Variants in CANX observed in about 807,000 individuals in gnomAD.
CANX encodes epididymis secretory sperm binding protein.
CANX carries 14 observed loss-of-function variants against 75.7 expected under a neutral mutation model. The observed-to-expected ratio is 0.19, with a 90% CI of 0.12 to 0.29. CANX has a LOEUF of 0.29. Ranked by LOEUF, CANX falls within the 10% of genes least tolerant of loss-of-function variation. The probability of loss-of-function intolerance (pLI) is 1.00; values close to 1 mark genes in which losing one functional copy is unlikely to be tolerated. For missense variants in CANX, 567 were observed against 713.2 expected (o/e 0.79, Z 2.34); for synonymous variants, 227 against 236.9 (o/e 0.96, Z 0.38).
chr5:179,690,549 C>A (rs1776282317), intron 1 of CANX, among the ~76,000 whole-genome samples: 1 of 138,314 alleles, frequency 7.2e-6, no homozygotes, highest in Non-Finnish European at 1.5e-5. Context: ...GCACTCCAGC[C>A]TGGGGGACAA....
In CANX at chr5:179,728,691, G is replaced by T. The variant is rs201943117; in HGVS notation, c.*47G>T. 2.3e-5 allele frequency: 32 copies of T among 1,383,512 alleles called. No homozygotes were observed. The African/African-American group carries it at 4.0e-4, about 17-fold the overall frequency. The allele number at this position is 1,383,512 out of a possible 1,614,324, so 85.7% of individuals were successfully genotyped here. A position where few individuals can be genotyped will look rare whatever the true frequency, so the allele number is the denominator to read the frequency against. On this transcript the variant is annotated 3_prime_UTR_variant, in exon 15 of 15. Coordinates refer to ENST00000247461, the MANE Select transcript of CANX (RefSeq NM_001746.4). ...TGTGATTTCTTCTCCCTCCTCCCCT[G>T]CAAGAGTGGTCCTAGGAGAGGACCT... is the stretch of plus-strand genomic sequence containing the variant.
At chr5:179,683,369 G>A (rs1581813451) in intron 1 of CANX, among the ~76,000 whole-genome samples, 3 of 151,804 alleles carry the variant, frequency 2.0e-5, no homozygotes, top group South Asian at 4.1e-4. Flanking sequence ...TCCTGACCTT[G>A]TGATCCGCCC....
chr5:179,680,760 A>G, intron 1 of CANX: 1 of 756,598 alleles, frequency 1.3e-6, no homozygotes, highest in Non-Finnish European at 2.2e-6. Flanking sequence ...TCTTCTGCCC[A>G]TGGGCAGTGA....
intron 14 of CANX, among the ~76,000 whole-genome samples, 179 bp downstream of exon 14, chr5:179,726,938 T>C (rs1778710735): frequency 6.6e-6 from 1 of 152,236 alleles, no homozygotes; most frequent in South Asian, 2.1e-4. Context: ...AATTTTAAGC[T>C]ACATATTAAT....
chr5:179,702,997 G>A (rs1019404093), intron 1 of CANX, among the ~76,000 whole-genome samples: 1 of 152,104 alleles, frequency 6.6e-6, no homozygotes, highest in African/African-American at 2.4e-5. Flanking sequence ...TTGAACTCCC[G>A]AACTCAGGTG....
upstream of CANX, chr5:179,694,693 G>A (rs746268542): frequency 2.2e-5 from 16 of 715,386 alleles, no homozygotes; most frequent in South Asian, 1.2e-4. Context: ...GGCTCAAAGC[G>A]TCCTGCTAAA....
At position 179,698,967 on chromosome 5, in the gene CANX, A is replaced by T. The variant is rs977671563; in HGVS notation, c.-139A>T. The T allele has an allele frequency of 2.7e-6, 3 of 1,122,954 alleles. No individual in the cohort carries two copies. The highest frequency in any genetic ancestry group is 5.1e-5 in the Admixed American group (1 of 19,726). The allele number at this position is 1,122,954 out of a possible 1,614,324, so 69.6% of individuals were successfully genotyped here. On this transcript the variant is annotated 5_prime_UTR_variant, in exon 1 of 15. Transcript: ENST00000247461. Reference sequence around the variant, plus strand: ...GTGCGGTGGGGCTCGCTCGCGCGGCAGCGGTGGCCGAGGCCTCTTGGTTCT... The same window carrying T: ...GTGCGGTGGGGCTCGCTCGCGCGGCTGCGGTGGCCGAGGCCTCTTGGTTCT...
intron 1 of CANX, chr5:179,679,175 G>A: frequency 6.5e-7 from 1 of 1,535,184 alleles, no homozygotes; most frequent in Non-Finnish European, 8.7e-7. Context: ...GGTGCTCGAA[G>A]GGGAGCCTCG....
chr5:179,715,311 T>A (rs1777861876), intron 7 of CANX, among the ~76,000 whole-genome samples: 1 of 152,118 alleles, frequency 6.6e-6, no homozygotes, highest in Non-Finnish European at 1.5e-5. Flanking sequence ...GTTGGGCAGA[T>A]TGCCTGAGCT....
intron 1 of CANX, chr5:179,699,910 C>G (rs1562455813): frequency 6.6e-6 from 1 of 152,212 alleles, no homozygotes; most frequent in South Asian, 2.1e-4. Context: ...CTGTGAACTT[C>G]GGCAGTTTTC....
intron 1 of CANX, among the ~76,000 whole-genome samples, chr5:179,689,633 G>A (rs1295468103): frequency 7.2e-5 from 11 of 152,000 alleles, no homozygotes; most frequent in African/African-American, 2.2e-4. Context: ...CAGCTGATCC[G>A]CCCGCCTCGG....
chr5:179,680,852 C>T (rs1300458871), intron 1 of CANX: 1 of 1,532,290 alleles, frequency 6.5e-7, no homozygotes. Context: ...TATAGGTGGA[C>T]AGAGGCTGGA....
intron 1 of CANX, among the ~76,000 whole-genome samples, chr5:179,682,433 G>T (rs1268465656): frequency 1.3e-5 from 2 of 152,016 alleles, no homozygotes; most frequent in African/African-American, 4.8e-5. Context: ...AAAATTGGCC[G>T]GGTGCAGTGG....
chr5:179,723,738 C>A lies in CANX; in HGVS notation c.1477C>A (p.Leu493Ile). Reference sequence around the variant, plus strand: ...GGTAGTCTATATTCTAACTGTAGCCCTTCCTGTGTTCCTGGTTATCCTCTT... The same window carrying A: ...GGTAGTCTATATTCTAACTGTAGCCATTCCTGTGTTCCTGGTTATCCTCTT... The part of the protein sequence containing the change: ...LWVVYILTVA[L>I]PVFLVILFCC... The change falls in exon 12 of 15, where the codon CTT becomes ATT. Residue 493 changes from leucine to isoleucine, a missense_variant. Coordinates refer to ENST00000247461, the MANE Select transcript of CANX (RefSeq NM_001746.4). 6.2e-7 allele frequency: 1 copy of A among 1,613,398 alleles called. No homozygotes were observed. The highest frequency in any genetic ancestry group is 8.5e-7 in the Non-Finnish European group (1 of 1,179,642).
At chr5:179,679,483 T>C (rs908665694) in intron 1 of CANX, among the ~76,000 whole-genome samples, 6 of 152,066 alleles carry the variant, frequency 3.9e-5, no homozygotes, top group African/African-American at 1.2e-4. Context: ...GGGATACATA[T>C]GCAGATGAAG....
intron 1 of CANX, 141 bp downstream of exon 1, chr5:179,699,243 G>A: frequency 2.4e-6 from 1 of 425,070 alleles, no homozygotes; most frequent in Non-Finnish European, 3.2e-6. Context: ...TGGCCGACGC[G>A]CCCGCCGTGA....
chr5:179,709,213 A>G (rs1036649281), intron 6 of CANX, among the ~76,000 whole-genome samples, 154 bp downstream of exon 6: 2 of 152,156 alleles, frequency 1.3e-5, no homozygotes, highest in Non-Finnish European at 2.9e-5. Context: ...CAGGAGATTG[A>G]GACTATCTGG....
At chr5:179,682,195 T>A (rs1177995339) in intron 1 of CANX, among the ~76,000 whole-genome samples, 1 of 147,592 alleles carries the variant, frequency 6.8e-6, no homozygotes, top group Non-Finnish European at 1.5e-5. Flanking sequence ...GAGGTTGCAA[T>A]GAGCGAAGAT....
At chr5:179,705,377 A>C (rs988815323) in intron 1 of CANX, among the ~76,000 whole-genome samples, 1 of 152,220 alleles carries the variant, frequency 6.6e-6, no homozygotes, top group African/African-American at 2.4e-5. Context: ...TTACAAATGC[A>C]AAAGTTTGTT....
Sources: gnomAD v4.1 joint callset for allele counts (sites outside exome capture counted in the v4.1 genomes callset) on GRCh38, gnomAD v4.1.1 for gene constraint, MANE v1.5 for transcripts, NCBI Gene and HGNC (gene_info 2026-07-23, HGNC 2026-07-21) for gene names.